The following TRPC4 variants were observed in gnomAD, a reference collection of about 807,000 sequenced individuals.
TRPC4 encodes transient receptor potential cation channel subfamily C member 4, also known as short transient receptor potential channel 4.
Under a neutral mutation model 99.4 loss-of-function variants are expected in TRPC4, and 49 were observed. The ratio of observed to expected loss-of-function variants is 0.49; its 90% CI spans 0.39 to 0.63. The LOEUF (loss-of-function observed/expected upper bound fraction) is 0.63. Among genes scored for constraint, TRPC4 ranks in the 20% least tolerant of loss-of-function variants. The pLI is 0.00. For missense variants in TRPC4, 898 were observed against 1,152.9 expected (o/e 0.78, Z 3.20); for synonymous variants, 454 against 425.9 (o/e 1.07, Z -0.81).
rs531830637 is a variant in TRPC4, at chr13:37,745,361, C to G, written c.897+576G>C. Among the ~76,000 whole-genome samples, 31 of 148,960 alleles carry G rather than the reference C, an allele frequency of 2.1e-4. 1 individual carries two copies. In the South Asian group the frequency reaches 6.5e-3, roughly 31 times the overall value. ...CCACATCCTATGAATGCTGCATTTT[C>G]CATCCACATTTGGTTGAATCCAAGG... On this transcript the variant is annotated intron_variant, in intron 3 of 10. Coordinates refer to ENST00000379705, the MANE Select transcript of TRPC4 (RefSeq NM_016179.4).
intron 8 of TRPC4, among the ~76,000 whole-genome samples, chr13:37,643,166 T>C (rs555063155): frequency 2.0e-4 from 30 of 152,326 alleles, no homozygotes; most frequent in Middle Eastern, 6.8e-3. Context: ...TGGTTTTCCA[T>C]GGCAGGGAGT....
chr13:37,834,744 T>C (rs1272953831), intron 1 of TRPC4, among the ~76,000 whole-genome samples: 2 of 152,184 alleles, frequency 1.3e-5, no homozygotes, highest in East Asian at 3.9e-4. Flanking sequence ...TACATTTTTT[T>C]GAGACAGAGT....
At chr13:37,638,178 C>A (rs1446141408) in intron 10 of TRPC4, among the ~76,000 whole-genome samples, 1 of 151,978 alleles carries the variant, frequency 6.6e-6, no homozygotes, top group Non-Finnish European at 1.5e-5. Flanking sequence ...CATCCTTTTC[C>A]CTTGTCTTTT....
Position 37,636,018 on chromosome 13 carries a change from T to C in TRPC4, c.*885A>G, listed in dbSNP as rs1394198345. On this transcript the variant is annotated 3_prime_UTR_variant, in exon 11 of 11. Coordinates refer to ENST00000379705, the MANE Select transcript of TRPC4 (RefSeq NM_016179.4). The stretch of plus-strand genomic sequence containing the variant: ...CTTAGATTTAGATTGTTAGAATAAA[T>C]TCATTTTCATTTGGATATTATTAGT... 1.3e-5 allele frequency among the ~76,000 whole-genome samples: 2 copies of C among 152,132 alleles called. No homozygotes were observed. The highest frequency in any genetic ancestry group is 2.9e-5 in the Non-Finnish European group (2 of 68,008).
chr13:37,858,088 A>T (rs1045815796), intron 1 of TRPC4, among the ~76,000 whole-genome samples: 4 of 151,762 alleles, frequency 2.6e-5, no homozygotes, highest in African/African-American at 9.7e-5. Context: ...TAATAATCTG[A>T]TCAAAAACAG....
intron 3 of TRPC4, among the ~76,000 whole-genome samples, chr13:37,732,815 T>A (rs897826639): frequency 6.6e-6 from 1 of 152,090 alleles, no homozygotes; most frequent in Admixed American, 6.6e-5. Flanking sequence ...AAATAGTAGA[T>A]GACATAAACA....
intron 4 of TRPC4, among the ~76,000 whole-genome samples, chr13:37,686,074 T>C (rs951739211): frequency 1.3e-5 from 2 of 152,034 alleles, no homozygotes; most frequent in African/African-American, 4.8e-5. Flanking sequence ...TTTGCTAAGA[T>C]TATTTGAGCA....
intron 4 of TRPC4, among the ~76,000 whole-genome samples, chr13:37,681,326 G>C (rs1224799542): frequency 6.6e-6 from 1 of 152,144 alleles, no homozygotes; most frequent in Non-Finnish European, 1.5e-5. Flanking sequence ...CCTTTGAAAG[G>C]CACAAATGTG....
At chr13:37,708,664 C>T (rs750765096) in intron 3 of TRPC4, among the ~76,000 whole-genome samples, 1 of 149,630 alleles carries the variant, frequency 6.7e-6, no homozygotes, top group Non-Finnish European at 1.5e-5. Flanking sequence ...TATATATATA[C>T]ACACACACAT....
chr13:37,707,303 C>CT (rs1379248794), intron 3 of TRPC4, among the ~76,000 whole-genome samples: 1 of 152,044 alleles, frequency 6.6e-6, no homozygotes, highest in East Asian at 1.9e-4. Flanking sequence ...TATGAATAGA[C>CT]TAAAGCAACT....
At position 37,860,851 on chromosome 13, in the gene TRPC4, T is replaced by C. The variant is rs115788565; in HGVS notation, c.-28+8744A>G. Among the ~76,000 whole-genome samples the C allele has an allele frequency of 3.3e-3, 494 of 151,482 alleles. 1 individual carries two copies. The highest frequency in any genetic ancestry group is 0.011 in the African/African-American group (463 of 41,480). ...GATGGAGTGCTAGCAGAGTATAATA[T>C]TGAAGAAACAAAGGGTATGTGAAAC... On this transcript the variant is annotated intron_variant, in intron 1 of 10. Transcript: ENST00000379705.
intron 1 of TRPC4, among the ~76,000 whole-genome samples, chr13:37,834,809 T>G (rs534165466): frequency 5.2e-4 from 79 of 152,198 alleles, no homozygotes; most frequent in Non-Finnish European, 1.0e-3. Context: ...CTCACTGTAA[T>G]CTCTGCCTCC....
chr13:37,715,634 C>T (rs1270481940), intron 3 of TRPC4, among the ~76,000 whole-genome samples: 1 of 152,106 alleles, frequency 6.6e-6, no homozygotes, highest in Admixed American at 6.6e-5. Flanking sequence ...ATTGCTGTAT[C>T]TACTTGCAAC....
intron 1 of TRPC4, among the ~76,000 whole-genome samples, chr13:37,827,031 C>G (rs1316434966): frequency 2.6e-5 from 4 of 152,004 alleles, no homozygotes; most frequent in Non-Finnish European, 1.5e-5. Flanking sequence ...TTTCATCTTC[C>G]ATTGCTGATA....
intron 3 of TRPC4, among the ~76,000 whole-genome samples, chr13:37,693,245 G>A (rs531530931): frequency 4.6e-5 from 7 of 152,092 alleles, no homozygotes; most frequent in African/African-American, 1.7e-4. Flanking sequence ...TCTTTCAGAT[G>A]GAACAGTTCA....
intron 3 of TRPC4, among the ~76,000 whole-genome samples, chr13:37,733,178 T>G (rs568452431): frequency 1.3e-4 from 20 of 152,084 alleles, no homozygotes; most frequent in Middle Eastern, 3.4e-3. Flanking sequence ...GAGGCTGAGG[T>G]GGGAAGATCA....
intron 2 of TRPC4, among the ~76,000 whole-genome samples, chr13:37,769,687 A>G (rs1006673317): frequency 6.6e-5 from 10 of 151,454 alleles, no homozygotes; most frequent in African/African-American, 2.2e-4. Context: ...ACCACTATGC[A>G]GGTATCTAGA....
chr13:37,735,820 A>C (rs956403133), intron 3 of TRPC4, among the ~76,000 whole-genome samples: 2 of 152,236 alleles, frequency 1.3e-5, no homozygotes, highest in Non-Finnish European at 2.9e-5. Flanking sequence ...CTTGAAAATA[A>C]AATTTAAAAA....
intron 1 of TRPC4, among the ~76,000 whole-genome samples, chr13:37,868,553 C>A (rs924278252): frequency 3.3e-5 from 5 of 151,912 alleles, no homozygotes; most frequent in African/African-American, 1.2e-4. Context: ...TGATTATGTA[C>A]TGTGAAAGGA....
Sources: allele counts gnomAD v4.1 joint callset (sites outside exome capture counted in the v4.1 genomes callset), GRCh38; gene constraint gnomAD v4.1.1; transcripts MANE v1.5; gene names NCBI Gene and HGNC (gene_info 2026-07-23, HGNC 2026-07-21).